UBE2L6: variants seen among roughly 807,000 people sequenced by gnomAD.
UBE2L6 encodes ubiquitin/ISG15-conjugating enzyme E2 L6.
A neutral mutation model predicts 13.6 loss-of-function variants in UBE2L6; 11 were observed. The ratio of observed to expected loss-of-function variants is 0.81; its 90% CI spans 0.51 to 1.34. The LOEUF is 1.34. Among genes scored for constraint, UBE2L6 ranks in the 40% most tolerant of loss-of-function variants. The pLI is 0.00. For missense variants in UBE2L6, 197 were observed against 199.5 expected (o/e 0.99, Z 0.07); for synonymous variants, 74 against 83.2 (o/e 0.89, Z 0.60).
chr11:57,554,516 G>A lies in UBE2L6; in HGVS notation c.231C>T (p.Pro77=), dbSNP rs780009243. 1.2e-5 allele frequency: 20 copies of A among 1,614,148 alleles called. No homozygotes were observed. The South Asian group carries it at 2.1e-4, about 17-fold the overall frequency. ...AAATCTGTCCGTTCTCGTCCACGTTGGGGTGGTAGATCTTGGTTGTGAATT... is the reference window on the plus strand; with the variant it reads ...AAATCTGTCCGTTCTCGTCCACGTTAGGGTGGTAGATCTTGGTTGTGAATT... ...MIKFTTKIYH[P]NVDENGQICL... Residue 77 remains proline (P), a synonymous_variant, in exon 3 of 4, where the codon CCC becomes CCT. Coordinates refer to ENST00000287156, the MANE Select transcript of UBE2L6 (RefSeq NM_004223.5).
At chr11:57,564,491 A>C (rs986946277) in intron 1 of UBE2L6, among the ~76,000 whole-genome samples, 1 of 152,218 alleles carries the variant, frequency 6.6e-6, no homozygotes, top group Admixed American at 6.5e-5. Flanking sequence ...AAATTTAAAA[A>C]AATTTTAATG....
chr11:57,565,270 G>A (rs1462704404), intron 1 of UBE2L6, among the ~76,000 whole-genome samples: 1 of 150,124 alleles, frequency 6.7e-6, no homozygotes, highest in Non-Finnish European at 1.5e-5. Context: ...AAGAAAGGGA[G>A]AGAGAAAGAA....
At chr11:57,554,772 C>A (rs1311987338) in intron 2 of UBE2L6, 149 bp from the exon 3 acceptor site, 13 of 859,684 alleles carry the variant, frequency 1.5e-5, no homozygotes, top group Admixed American at 2.9e-5. Context: ...ACAATTGAGT[C>A]ATGGATTAGT....
Position 57,562,054 on chromosome 11 carries a change from C to T in UBE2L6, c.28-1622G>A, listed in dbSNP as rs537702316. Among the ~76,000 whole-genome samples, 8 of 152,322 alleles carry T rather than the reference C, an allele frequency of 5.3e-5. 1 individual carries two copies. Among genetic ancestry groups the T allele is most frequent in the African/African-American group, 1.4e-4 (6 of 41,574 alleles). On this transcript the variant is annotated intron_variant, in intron 1 of 3. Transcript: ENST00000287156. ...CCAGAGATGCTGATAAACATCCTAA[C>T]AAAGAATTATCTGGCCGAACAAGAG...
At chr11:57,559,092 G>A (rs1214393516) in intron 2 of UBE2L6, among the ~76,000 whole-genome samples, 4 of 152,194 alleles carry the variant, frequency 2.6e-5, no homozygotes, top group Non-Finnish European at 5.9e-5. Flanking sequence ...TCTCCTTGGA[G>A]ATATAATCAG....
At chr11:57,557,766 G>A (rs1945009120) in intron 2 of UBE2L6, among the ~76,000 whole-genome samples, 1 of 152,106 alleles carries the variant, frequency 6.6e-6, no homozygotes, top group Non-Finnish European at 1.5e-5. Context: ...CTCAGCCTCG[G>A]GTATTCCTTT....
chr11:57,566,823 A>T (rs1945095502), intron 1 of UBE2L6, among the ~76,000 whole-genome samples: 1 of 150,774 alleles, frequency 6.6e-6, no homozygotes, highest in Admixed American at 6.6e-5. Context: ...ATCTCCAAAC[A>T]CCCTGGGTTT....
intron 1 of UBE2L6, 191 bp from the exon 2 acceptor site, chr11:57,560,623 CTT>C (rs11301277): frequency 0.057 from 20,957 of 370,150 alleles, 1 homozygote; most frequent in East Asian, 0.1. Flanking sequence ...TTTCTTTTTT[CTT>C]TTTTTTTTTT....
intron 1 of UBE2L6, among the ~76,000 whole-genome samples, chr11:57,563,293 C>T (rs1320816967): frequency 1.3e-5 from 2 of 151,366 alleles, no homozygotes; most frequent in East Asian, 2.0e-4. Context: ...AGTGCAAGAC[C>T]AGCCTGGCCA....
chr11:57,555,479 A>G (rs2135274396), intron 2 of UBE2L6, among the ~76,000 whole-genome samples: 1 of 152,350 alleles, frequency 6.6e-6, no homozygotes, highest in South Asian at 2.1e-4. Flanking sequence ...GGTGCTGGGG[A>G]AAGAAAGGAA....
At position 57,554,486 on chromosome 11, in the gene UBE2L6, C is replaced by G; in HGVS notation, c.261G>C (p.Leu87=). 6.2e-7 allele frequency: 1 copy of G among 1,614,188 alleles called. No individual in the cohort carries two copies. The highest frequency in any genetic ancestry group is 1.1e-5 in the South Asian group (1 of 91,082). The part of the protein sequence containing the change: ...PNVDENGQIC[L]PIISSENWKP... ...TCCAGTTCTCACTGCTGATGATGGG[C>G]AGGCAAATCTGTCCGTTCTCGTCCA... is the stretch of plus-strand genomic sequence containing the variant. The change falls in exon 3 of 4, where the codon CTG becomes CTC. Residue 87 remains leucine, a synonymous_variant. Coordinates refer to ENST00000287156, the MANE Select transcript of UBE2L6 (RefSeq NM_004223.5).
At chr11:57,566,943 G>GACCC in intron 1 of UBE2L6, 2 of 75,880 alleles carry the variant, frequency 2.6e-5, no homozygotes, top group Non-Finnish European at 5.4e-5. Flanking sequence ...GTTCATCTCT[G>GACCC]CCCGCCCCCC....
At chr11:57,554,688 G>C in intron 2 of UBE2L6, 65 bp from the exon 3 acceptor site, 1 of 1,573,804 alleles carries the variant, frequency 6.4e-7, no homozygotes, top group South Asian at 1.1e-5. Context: ...CCAATCCGAG[G>C]GTCCTAGGCA....
At chr11:57,566,943 GC>G in intron 1 of UBE2L6, 2 of 75,878 alleles carry the variant, frequency 2.6e-5, no homozygotes, top group Non-Finnish European at 2.7e-5. Flanking sequence ...GTTCATCTCT[GC>G]CCGCCCCCCC....
chr11:57,563,281 G>A (rs1023469870), intron 1 of UBE2L6, among the ~76,000 whole-genome samples: 4 of 151,628 alleles, frequency 2.6e-5, no homozygotes, highest in Non-Finnish European at 5.9e-5. Flanking sequence ...CCTGAGGTTA[G>A]GAGTGCAAGA....
rs943169249 is a variant in UBE2L6 at position 57,561,758 on chromosome 11, T to C, written c.28-1326A>G. ...TTTAATATGCTATTGTGTATGGTGATTGACCAAGCTGTGGGCCCACAGCAT... is the reference window on the plus strand; with the variant it reads ...TTTAATATGCTATTGTGTATGGTGACTGACCAAGCTGTGGGCCCACAGCAT... On this transcript the variant is annotated intron_variant, in intron 1 of 3. Coordinates refer to ENST00000287156, the MANE Select transcript of UBE2L6 (RefSeq NM_004223.5). 2.0e-5 allele frequency among the ~76,000 whole-genome samples: 3 copies of C among 152,228 alleles called. 1 individual carries two copies. The highest frequency in any genetic ancestry group is 1.5e-5 in the Non-Finnish European group (1 of 68,054).
In UBE2L6 at chr11:57,554,630, A is replaced by C. The variant is rs1284409810; in HGVS notation, c.124-7T>G. 2 of 1,613,918 alleles carry C rather than the reference A, an allele frequency of 1.2e-6. No individual in the cohort carries two copies. Among genetic ancestry groups the C allele is most frequent in the Non-Finnish European group, 1.7e-6 (2 of 1,179,896 alleles). On this transcript the variant is annotated splice_region_variant and splice_polypyrimidine_tract_variant and intron_variant, in intron 2 of 3. Transcript: ENST00000287156. Reference sequence around the variant, plus strand: ...GGTGGTAGGGAGGTTGGTCCTGTGCAGAGAGAAAAGGGGTCAAGCTCCAGT... The same window carrying C: ...GGTGGTAGGGAGGTTGGTCCTGTGCCGAGAGAAAAGGGGTCAAGCTCCAGT...
At chr11:57,566,943 G>GGCCCCCC in intron 1 of UBE2L6, 1 of 75,880 alleles carries the variant, frequency 1.3e-5, no homozygotes, top group Non-Finnish European at 2.7e-5. Context: ...GTTCATCTCT[G>GGCCCCCC]CCCGCCCCCC....
chr11:57,565,927 A>G (rs1348207675), intron 1 of UBE2L6, among the ~76,000 whole-genome samples: 1 of 90,220 alleles, frequency 1.1e-5, no homozygotes, highest in Non-Finnish European at 2.3e-5. Flanking sequence ...CCTTACCCCC[A>G]CCCCCAACAT....
Sources: allele counts gnomAD v4.1 joint callset (sites outside exome capture counted in the v4.1 genomes callset), GRCh38; gene constraint gnomAD v4.1.1; transcripts MANE v1.5; gene names NCBI Gene and HGNC (gene_info 2026-07-23, HGNC 2026-07-21).